DNM3: variants seen among roughly 807,000 people sequenced by gnomAD.
The protein encoded by DNM3 is dynamin-3.
Under a neutral mutation model 101.6 loss-of-function variants are expected in DNM3, and 47 were observed. The observed-to-expected ratio is 0.46, with a 90% confidence interval of 0.37 to 0.59. DNM3 has a LOEUF of 0.59. DNM3 is among the 20% of genes least tolerant of loss of function. DNM3 has a pLI of 0.00. For missense variants in DNM3, 849 were observed against 1,085.7 expected (o/e 0.78, Z 3.06); for synonymous variants, 385 against 387.9 (o/e 0.99, Z 0.09).
At chr1:172,050,548 A>G (rs1363196572) in intron 10 of DNM3, among the ~76,000 whole-genome samples, 1 of 152,228 alleles carries the variant, frequency 6.6e-6, no homozygotes, top group Non-Finnish European at 1.5e-5. Context: ...ATGCTATGAA[A>G]AGACTTGATA....
chr1:172,283,759 C>CAA (rs769812358), intron 15 of DNM3, among the ~76,000 whole-genome samples: 35 of 40,132 alleles, frequency 8.7e-4, no homozygotes, highest in Non-Finnish European at 1.4e-3. Context: ...GACTCCATCT[C>CAA]AAAAAAAAAA....
At chr1:172,416,821 C>G (rs2071443955), downstream of DNM3, among the ~76,000 whole-genome samples, 1 of 152,178 alleles carries the variant, frequency 6.6e-6, no homozygotes, top group African/African-American at 2.4e-5. Context: ...ACCTGGATCT[C>G]TAAAGCTAAA....
chr1:172,190,477 C>G (rs943348307), intron 14 of DNM3, among the ~76,000 whole-genome samples: 2 of 152,174 alleles, frequency 1.3e-5, no homozygotes, highest in Admixed American at 6.6e-5. Flanking sequence ...AAACATACGT[C>G]TGCATGTGTC....
rs2051727336 is a variant in DNM3 at position 172,066,971 on chromosome 1, TG to T, written c.1336-1847del. Among the ~76,000 whole-genome samples the T allele has an allele frequency of 7.9e-5, 12 of 151,856 alleles. No individual in the cohort carries two copies. The East Asian group carries it at 1.6e-3, about 20-fold the overall frequency. On this transcript the variant is annotated intron_variant, in intron 10 of 20. Transcript: ENST00000627582. The stretch of plus-strand genomic sequence containing the variant: ...CTGTGTTTGTGTGTGTGTGTGTGTG[TG>T]TGTTTGTGTGTGTGTGCGCGCGTGC...
chr1:171,956,814 A>G (rs2042888795), intron 2 of DNM3, among the ~76,000 whole-genome samples: 1 of 151,842 alleles, frequency 6.6e-6, no homozygotes, highest in Non-Finnish European at 1.5e-5. Flanking sequence ...AGGTTCCCAA[A>G]CCTCAATTCT....
At chr1:172,252,291 T>C (rs957214306) in intron 14 of DNM3, among the ~76,000 whole-genome samples, 1 of 152,086 alleles carries the variant, frequency 6.6e-6, no homozygotes, top group Non-Finnish European at 1.5e-5. Flanking sequence ...TCTGCCCAAC[T>C]TTTTTCTGAT....
At chr1:171,936,431 G>A (rs2041430758) in intron 2 of DNM3, among the ~76,000 whole-genome samples, 2 of 152,214 alleles carry the variant, frequency 1.3e-5, no homozygotes, top group South Asian at 4.1e-4. Flanking sequence ...AGGACAAATG[G>A]TTTTGTCTCC....
chr1:171,985,313 G>A (rs1214640913), intron 2 of DNM3, among the ~76,000 whole-genome samples: 2 of 151,672 alleles, frequency 1.3e-5, no homozygotes, highest in Non-Finnish European at 1.5e-5. Context: ...GACTTCTTTT[G>A]TTCTTTTGTT....
Position 171,873,892 on chromosome 1 carries a change from A to G in DNM3, c.161+32075A>G, listed in dbSNP as rs573485582. ...TCCTAATGGATTTAGCTCTAATCCA[A>G]ACCAGAAGCACATTTTGAGTCTTTT... On this transcript the variant is annotated intron_variant, in intron 1 of 20. Transcript: ENST00000627582. 1.2e-4 allele frequency among the ~76,000 whole-genome samples: 18 copies of G among 152,318 alleles called. 1 individual carries two copies. Among genetic ancestry groups the G allele is most frequent in the Admixed American group, 9.1e-4 (14 of 15,302 alleles).
At chr1:171,951,281 G>T (rs951281662) in intron 2 of DNM3, among the ~76,000 whole-genome samples, 3 of 152,124 alleles carry the variant, frequency 2.0e-5, no homozygotes, top group African/African-American at 7.2e-5. Flanking sequence ...TGATCTCAAG[G>T]TAGGGAAGAT....
intron 14 of DNM3, among the ~76,000 whole-genome samples, chr1:172,231,221 A>AT: frequency 6.8e-6 from 1 of 147,410 alleles, no homozygotes; most frequent in Admixed American, 6.7e-5. Flanking sequence ...CAGTAGGGGC[A>AT]GACTGACACC....
intron 4 of DNM3, among the ~76,000 whole-genome samples, chr1:172,016,716 A>C (rs1242905807): frequency 6.6e-6 from 1 of 152,164 alleles, no homozygotes; most frequent in Non-Finnish European, 1.5e-5. Flanking sequence ...CAGTGAACCC[A>C]TCTGGGCCTG....
intron 16 of DNM3, among the ~76,000 whole-genome samples, chr1:172,316,346 C>A (rs1002077122): frequency 1.3e-5 from 2 of 151,092 alleles, no homozygotes; most frequent in Non-Finnish European, 3.0e-5. Context: ...AGCAAAATAA[C>A]CAGCTAACAT....
chr1:172,165,521 A>G (rs2058713462), intron 14 of DNM3, among the ~76,000 whole-genome samples: 1 of 151,992 alleles, frequency 6.6e-6, no homozygotes, highest in South Asian at 2.1e-4. Flanking sequence ...GCCCCAGCCT[A>G]CCTTCCCAGC....
chr1:172,027,977 A>T (rs2048333306), intron 4 of DNM3, among the ~76,000 whole-genome samples: 2 of 152,302 alleles, frequency 1.3e-5, no homozygotes, highest in South Asian at 2.1e-4. Flanking sequence ...TAATAGTGGG[A>T]TACTTTAACA....
chr1:172,027,509 A>T (rs1228916448), intron 4 of DNM3, among the ~76,000 whole-genome samples: 1 of 151,940 alleles, frequency 6.6e-6, no homozygotes, highest in Non-Finnish European at 1.5e-5. Flanking sequence ...GGAACCCGGG[A>T]GGCAGAGGTG....
At chr1:172,310,203 T>C (rs2065022725) in intron 16 of DNM3, 1 of 152,232 alleles carries the variant, frequency 6.6e-6, no homozygotes, top group South Asian at 2.1e-4. Context: ...TTTAACTCTA[T>C]TACTTATTAC....
intron 17 of DNM3, among the ~76,000 whole-genome samples, chr1:172,340,019 G>A (rs1394988691): frequency 6.6e-6 from 1 of 152,160 alleles, no homozygotes; most frequent in African/African-American, 2.4e-5. Context: ...CCATCAAGAA[G>A]CTATGAAAGG....
chr1:171,943,345 A>G (rs910518736), intron 2 of DNM3, among the ~76,000 whole-genome samples: 2 of 152,144 alleles, frequency 1.3e-5, no homozygotes, highest in Non-Finnish European at 2.9e-5. Context: ...CTAGTTCAGG[A>G]CATGATGGGG....
Sources: gnomAD v4.1 joint callset for allele counts (sites outside exome capture counted in the v4.1 genomes callset) on GRCh38, gnomAD v4.1.1 for gene constraint, MANE v1.5 for transcripts, NCBI Gene and HGNC (gene_info 2026-07-23, HGNC 2026-07-21) for gene names.